Variants in PIGK observed in about 807,000 individuals in gnomAD.
PIGK encodes GPI-anchor transamidase.
In PIGK, 42 loss-of-function variants were observed where a neutral mutation model predicts 50.6. The observed-to-expected ratio is 0.83, with a 90% CI of 0.65 to 1.07. The LOEUF is 1.07. PIGK is among the 50% of genes least tolerant of loss of function. PIGK has a pLI of 0.00. For missense variants in PIGK, 448 were observed against 488.7 expected (o/e 0.92, Z 0.78); for synonymous variants, 151 against 156.0 (o/e 0.97, Z 0.24).
At chr1:77,128,324 A>T (rs1334796230) in intron 9 of PIGK, among the ~76,000 whole-genome samples, 1 of 152,350 alleles carries the variant, frequency 6.6e-6, no homozygotes, top group East Asian at 1.9e-4. Flanking sequence ...TCCAAAGAGA[A>T]CTAAGGTTAC....
chr1:77,106,269 A>T (rs1653670262), intron 10 of PIGK, among the ~76,000 whole-genome samples: 1 of 152,142 alleles, frequency 6.6e-6, no homozygotes, highest in Non-Finnish European at 1.5e-5. Flanking sequence ...GAATCATCAC[A>T]TGCTTTCAAG....
intron 10 of PIGK, among the ~76,000 whole-genome samples, chr1:77,114,071 A>T (rs1196535508): frequency 1.3e-5 from 2 of 152,174 alleles, no homozygotes; most frequent in Non-Finnish European, 2.9e-5. Flanking sequence ...CTTCCAAAAT[A>T]CATTTTCAAT....
chr1:77,115,598 C>T (rs72681892), intron 10 of PIGK, among the ~76,000 whole-genome samples: 5,649 of 152,106 alleles, frequency 0.037, 206 homozygotes, highest in South Asian at 0.21. Context: ...AGAGCAACAA[C>T]GGACACACCA....
intron 9 of PIGK, among the ~76,000 whole-genome samples, chr1:77,127,278 T>C (rs1654253725): frequency 1.3e-5 from 2 of 152,234 alleles, no homozygotes; most frequent in Admixed American, 6.5e-5. Flanking sequence ...TCTTCTGTGC[T>C]ATCCAAGTAC....
intron 5 of PIGK, among the ~76,000 whole-genome samples, chr1:77,164,246 T>C (rs1475581832): frequency 6.6e-6 from 1 of 152,150 alleles, no homozygotes; most frequent in Non-Finnish European, 1.5e-5. Context: ...ATTCACAAAA[T>C]GTTTCAAATA....
intron 3 of PIGK, among the ~76,000 whole-genome samples, chr1:77,177,287 T>A (rs1431412696): frequency 1.3e-5 from 2 of 152,160 alleles, no homozygotes; most frequent in African/African-American, 2.4e-5. Flanking sequence ...ATAAACAAAA[T>A]CTCTGCAGCA....
intron 3 of PIGK, among the ~76,000 whole-genome samples, chr1:77,191,590 C>G (rs1237625301): frequency 2.0e-5 from 3 of 152,230 alleles, no homozygotes; most frequent in African/African-American, 7.2e-5. Context: ...TGATACATTT[C>G]TAGCGTCAAA....
chr1:77,198,075 G>C (rs980270288), intron 3 of PIGK, among the ~76,000 whole-genome samples: 1 of 152,058 alleles, frequency 6.6e-6, no homozygotes, highest in African/African-American at 2.4e-5. Context: ...ATAGGCTACT[G>C]TAATTTTGGT....
intron 1 of PIGK, among the ~76,000 whole-genome samples, chr1:77,216,424 T>C (rs75874098): frequency 0.013 from 1,935 of 152,302 alleles, 50 homozygotes; most frequent in African/African-American, 0.044. Flanking sequence ...ATTCTTACGT[T>C]AACTACCAAT....
At chr1:77,143,859 T>C (rs1654709835) in intron 9 of PIGK, among the ~76,000 whole-genome samples, 2 of 152,104 alleles carry the variant, frequency 1.3e-5, no homozygotes, top group Non-Finnish European at 2.9e-5. Context: ...AATAGAATTC[T>C]AGCAATAATT....
intron 9 of PIGK, chr1:77,154,040 ACTCACTCACTG>A (rs1654952464): frequency 5.0e-6 from 1 of 198,658 alleles, no homozygotes; most frequent in Non-Finnish European, 1.0e-5. Flanking sequence ...AAATGTCTGT[ACTCACTCACTG>A]CTCACTCACA....
intron 10 of PIGK, among the ~76,000 whole-genome samples, chr1:77,096,899 T>TG (rs1653421258): frequency 2.1e-5 from 3 of 141,308 alleles, no homozygotes; most frequent in African/African-American, 8.3e-5. Context: ...TTTTTTTTTG[T>TG]TTTTTTGTTT....
intron 3 of PIGK, among the ~76,000 whole-genome samples, chr1:77,185,188 C>A (rs1655711228): frequency 6.6e-6 from 1 of 152,232 alleles, no homozygotes; most frequent in South Asian, 2.1e-4. Context: ...AACTTGCCTT[C>A]AGCTGGCAAG....
chr1:77,196,899 G>T (rs1656051117), intron 3 of PIGK, among the ~76,000 whole-genome samples: 1 of 152,114 alleles, frequency 6.6e-6, no homozygotes, highest in African/African-American at 2.4e-5. Flanking sequence ...GCCAAGGCCA[G>T]CATCCAGAAT....
In PIGK at chr1:77,102,767, C is replaced by G. The variant is rs372720302; in HGVS notation, c.1072-10277G>C. On this transcript the variant is annotated intron_variant, in intron 10 of 10. Coordinates refer to ENST00000370812, the MANE Select transcript of PIGK (RefSeq NM_005482.3). ...AGCAGAAGCTTTTGATGCAGATAGTCCAGATGTTTATTATATGTCTACATT... is the reference window on the plus strand; with the variant it reads ...AGCAGAAGCTTTTGATGCAGATAGTGCAGATGTTTATTATATGTCTACATT... Among the ~76,000 whole-genome samples, 27 of 152,252 alleles carry G rather than the reference C, an allele frequency of 1.8e-4. 1 individual carries two copies. Among genetic ancestry groups the G allele is most frequent in the African/African-American group, 6.5e-4 (27 of 41,520 alleles).
intron 9 of PIGK, among the ~76,000 whole-genome samples, chr1:77,130,884 A>G (rs1654358557): frequency 6.6e-6 from 1 of 152,162 alleles, no homozygotes; most frequent in Admixed American, 6.5e-5. Flanking sequence ...ATATAAAATG[A>G]CTACATACTC....
At chr1:77,175,437 G>C (rs191948085) in intron 3 of PIGK, among the ~76,000 whole-genome samples, 3 of 152,190 alleles carry the variant, frequency 2.0e-5, no homozygotes, top group African/African-American at 7.2e-5. Flanking sequence ...AGTCATGAAA[G>C]GATTCATGAA....
At chr1:77,187,557 C>A (rs753022234) in intron 3 of PIGK, among the ~76,000 whole-genome samples, 3 of 152,198 alleles carry the variant, frequency 2.0e-5, no homozygotes, top group Non-Finnish European at 4.4e-5. Context: ...AAGGGAGTTA[C>A]AGTGTCAGTT....
At chr1:77,142,871 C>T (rs1227764840) in intron 9 of PIGK, among the ~76,000 whole-genome samples, 2 of 152,000 alleles carry the variant, frequency 1.3e-5, no homozygotes, top group African/African-American at 2.4e-5. Flanking sequence ...CCAAAAAAAG[C>T]AAAATTTGAA....
Sources: allele counts gnomAD v4.1 joint callset (sites outside exome capture counted in the v4.1 genomes callset), GRCh38; gene constraint gnomAD v4.1.1; transcripts MANE v1.5; gene names NCBI Gene and HGNC (gene_info 2026-07-23, HGNC 2026-07-21).